Variants in B3GNT5 observed in about 807,000 individuals in gnomAD.
The protein encoded by B3GNT5 is UDP-GlcNAc:betaGal beta-1,3-N-acetylglucosaminyltransferase 5.
In B3GNT5, 11 loss-of-function variants were observed where a neutral mutation model predicts 25.9. The observed-to-expected ratio is 0.42, with a 90% CI of 0.27 to 0.70. B3GNT5 has a LOEUF of 0.70. Ranked by LOEUF, B3GNT5 falls within the 30% of genes least tolerant of loss-of-function variation. B3GNT5 has a pLI of 0.23. For missense variants in B3GNT5, 385 were observed against 458.4 expected, an observed-to-expected ratio of 0.84 and a Z score of 1.46; for synonymous variants, 166 against 158.6, an observed-to-expected ratio of 1.05 and a Z score of -0.35.
rs1577011338 is a variant in B3GNT5, at chr3:183,272,913, C to T, written c.*1978C>T. On this transcript the variant is annotated 3_prime_UTR_variant, in exon 2 of 2. Transcript: ENST00000326505. ...AACAATTATTTATTTGCTGAAAGAGCTCTTCTGAACTGTGTCCTTTTAATT... is the reference window on the plus strand; with the variant it reads ...AACAATTATTTATTTGCTGAAAGAGTTCTTCTGAACTGTGTCCTTTTAATT... 7 of 1,345,396 alleles carry T rather than the reference C, an allele frequency of 5.2e-6. No individual in the cohort carries two copies. Among genetic ancestry groups the T allele is most frequent in the Middle Eastern group, 2.8e-4 (1 of 3,584 alleles). 83.3% of individuals were successfully genotyped at this position (1,345,396 alleles called of 1,614,324 possible).
chr3:183,269,877 A>C lies in B3GNT5; in HGVS notation c.79A>C (p.Ser27Arg). 1 of 1,613,918 alleles carries C rather than the reference A, an allele frequency of 6.2e-7. No individual in the cohort carries two copies. The highest frequency in any genetic ancestry group is 8.5e-7 in the Non-Finnish European group (1 of 1,179,952). Residue 27 changes from serine to arginine, a missense_variant, in exon 2 of 2, where the codon AGC becomes CGC. Ser to Arg is a moderately radical substitution (Grantham distance 110). Coordinates refer to ENST00000326505, the MANE Select transcript of B3GNT5 (RefSeq NM_032047.5). ...GTTATTTGCTACTTGTTTTTTAGCG[A>C]GCCTCATGTTTTTTTGGGAACCAAT... ...IQLFATCFLA[S>R]LMFFWEPIDN...
chr3:183,258,028 T>C (rs775842899), intron 1 of B3GNT5, among the ~76,000 whole-genome samples: 8 of 123,314 alleles, frequency 6.5e-5, no homozygotes, highest in South Asian at 5.7e-4. Flanking sequence ...AGTGCAATGG[T>C]GCCATCTCGG....
chr3:183,263,711 T>A (rs1240806616), intron 1 of B3GNT5, among the ~76,000 whole-genome samples: 1 of 152,176 alleles, frequency 6.6e-6, no homozygotes, highest in Admixed American at 6.5e-5. Context: ...TACCTTCTTG[T>A]CTCTCCATCG....
chr3:183,270,701 GT>G lies in B3GNT5; in HGVS notation c.910del (p.Ser304LeufsTer16), dbSNP rs770372662. 4 of 1,613,648 alleles carry G rather than the reference GT, an allele frequency of 2.5e-6. No homozygotes were observed. In the African/African-American group the frequency reaches 5.3e-5, roughly 22 times the overall value. ...KIGIVPQDHV[F>X]FSGEGKTPYH... ...TAGGGATAGTACCGCAGGACCATGTGTTTTTTTCTGGAGAGGGTAAAACTCC... is the reference window on the plus strand; with the variant it reads ...TAGGGATAGTACCGCAGGACCATGTGTTTTTTCTGGAGAGGGTAAAACTCC... On this transcript the variant is annotated frameshift_variant, in exon 2 of 2. Transcript: ENST00000326505. LOFTEE classifies it high-confidence loss of function. The surrounding 1 kb of genome is among the most constrained non-coding windows in gnomAD (Gnocchi z 4.5).
In B3GNT5 at chr3:183,269,539, C is replaced by T. The variant is rs1726537025; in HGVS notation, c.-260C>T. The T allele has an allele frequency of 2.5e-6, 1 of 398,544 alleles. No individual in the cohort carries two copies. The highest frequency in any genetic ancestry group is 4.3e-5 in the Admixed American group (1 of 23,010). 24.7% of individuals were successfully genotyped at this position (398,544 alleles called of 1,614,324 possible). On this transcript the variant is annotated 5_prime_UTR_variant, in exon 2 of 2. Coordinates refer to ENST00000326505, the MANE Select transcript of B3GNT5 (RefSeq NM_032047.5). ...ACATGGGAGAGCCGCATGAGGCCGC[C>T]CACCACGCTTCCTGAAGGATGCCCG...
chr3:183,257,260 C>G (rs1395088307), intron 1 of B3GNT5, among the ~76,000 whole-genome samples: 1 of 152,140 alleles, frequency 6.6e-6, no homozygotes, highest in Non-Finnish European at 1.5e-5. Context: ...TGGAGAGGCA[C>G]AGTATACATC....
rs1726935441 is a variant in B3GNT5, at chr3:183,273,200, A to G, written c.*2265A>G. The G allele has an allele frequency of 4.4e-6, 2 of 457,080 alleles. No homozygotes were observed. The highest frequency in any genetic ancestry group is 8.6e-5 in the Admixed American group (2 of 23,160). The allele number at this position is 457,080 out of a possible 1,614,324, so 28.3% of individuals were successfully genotyped here. A position where few individuals can be genotyped will look rare whatever the true frequency, so the allele number is the denominator to read the frequency against. On this transcript the variant is annotated 3_prime_UTR_variant, in exon 2 of 2. Transcript: ENST00000326505. ...GCTTGGATGGTCACTTGAATAGAAG[A>G]TGGTTATACACAGTGTTATTGTTAA...
intron 1 of B3GNT5, among the ~76,000 whole-genome samples, chr3:183,266,684 T>G (rs567552210): frequency 1.8e-4 from 27 of 152,324 alleles, no homozygotes; most frequent in African/African-American, 6.3e-4. Flanking sequence ...TGATATTTTC[T>G]GACGTCTTTC....
At chr3:183,262,853 G>A (rs1725746827) in intron 1 of B3GNT5, among the ~76,000 whole-genome samples, 1 of 152,110 alleles carries the variant, frequency 6.6e-6, no homozygotes, top group Non-Finnish European at 1.5e-5. Context: ...TGCCATTTGT[G>A]GTGACGCTGC....
intron 1 of B3GNT5, among the ~76,000 whole-genome samples, chr3:183,256,804 T>C (rs373715960): frequency 1.3e-3 from 199 of 152,300 alleles, no homozygotes; most frequent in Non-Finnish European, 2.6e-3. Context: ...TGTGTCATCC[T>C]AATTGAAATG....
intron 1 of B3GNT5, among the ~76,000 whole-genome samples, chr3:183,256,081 A>G (rs373657306): frequency 9.2e-5 from 14 of 152,360 alleles, no homozygotes; most frequent in African/African-American, 3.4e-4. Context: ...AATGTCCCCT[A>G]TTCAGGGGGA....
Position 183,269,596 on chromosome 3 carries a change from G to T in B3GNT5, c.-203G>T, listed in dbSNP as rs950338635. ...AGAATTTTGACGTGCCAGTGTCCTC[G>T]TTCTACAGGGTGTTCCATTCTTCCG... On this transcript the variant is annotated 5_prime_UTR_variant, in exon 2 of 2. Coordinates refer to ENST00000326505, the MANE Select transcript of B3GNT5 (RefSeq NM_032047.5). 3 of 507,900 alleles carry T rather than the reference G, an allele frequency of 5.9e-6. No individual in the cohort carries two copies. Among genetic ancestry groups the T allele is most frequent in the Non-Finnish European group, 1.0e-5 (3 of 295,494 alleles). 31.5% of individuals were successfully genotyped at this position (507,900 alleles called of 1,614,324 possible). A position where few individuals can be genotyped will look rare whatever the true frequency, so the allele number is the denominator to read the frequency against.
In B3GNT5 at chr3:183,272,502, T is replaced by C. The variant is rs1726863553; in HGVS notation, c.*1567T>C. 1 of 996,202 alleles carries C rather than the reference T, an allele frequency of 1.0e-6. No homozygotes were observed. Among genetic ancestry groups the C allele is most frequent in the Admixed American group, 6.1e-5 (1 of 16,264 alleles). The allele number at this position is 996,202 out of a possible 1,614,324, so 61.7% of individuals were successfully genotyped here. A position where few individuals can be genotyped will look rare whatever the true frequency, so the allele number is the denominator to read the frequency against. On this transcript the variant is annotated 3_prime_UTR_variant, in exon 2 of 2. Transcript: ENST00000326505. ...TTACAATTTTTAGCAGGTAGCTTTT[T>C]AATGTTTACAGAAATTTTAATTTTT...
At chr3:183,266,641 C>T (rs768058986) in intron 1 of B3GNT5, among the ~76,000 whole-genome samples, 19 of 152,168 alleles carry the variant, frequency 1.2e-4, no homozygotes, top group African/African-American at 3.6e-4. Context: ...AAAGTGATTT[C>T]GCAAATTTTA....
intron 1 of B3GNT5, among the ~76,000 whole-genome samples, chr3:183,257,958 CTTTTTTTTTTTT>C (rs35323502): frequency 8.0e-4 from 52 of 64,744 alleles, no homozygotes; most frequent in Admixed American, 9.5e-4. Context: ...CCACTTCACC[CTTTTTTTTTTTT>C]TTTTTTTTTT....
chr3:183,267,336 C>G lies in B3GNT5; in HGVS notation c.-301-2162C>G, dbSNP rs1726250490. Among the ~76,000 whole-genome samples the G allele has an allele frequency of 6.6e-6, 1 of 152,224 alleles. No homozygotes were observed. Among genetic ancestry groups the G allele is most frequent in the Admixed American group, 6.5e-5 (1 of 15,288 alleles). Reference sequence around the variant, plus strand: ...GACAAAGTCTGAATGGGGCTTGGCTCTAATCTCTAGTCCTCATTGGACATT... The same window carrying G: ...GACAAAGTCTGAATGGGGCTTGGCTGTAATCTCTAGTCCTCATTGGACATT... On this transcript the variant is annotated intron_variant, in intron 1 of 1. Coordinates refer to ENST00000326505, the MANE Select transcript of B3GNT5 (RefSeq NM_032047.5). This position sits in a 1 kb window ranked among gnomAD's most constrained non-coding sequence, Gnocchi z 5.5.
At chr3:183,266,880 TGATTC>T (rs1390158365) in intron 1 of B3GNT5, among the ~76,000 whole-genome samples, 1 of 151,672 alleles carries the variant, frequency 6.6e-6, no homozygotes, top group East Asian at 1.9e-4. Flanking sequence ...TCCACCTTCC[TGATTC>T]AAGTGATTCT....
chr3:183,255,844 C>A (rs1724999445), intron 1 of B3GNT5, among the ~76,000 whole-genome samples: 1 of 150,312 alleles, frequency 6.7e-6, no homozygotes, highest in Non-Finnish European at 1.5e-5. Context: ...CTTTCTAATT[C>A]TCAAAAATAG....
rs1300224948 is a variant in B3GNT5, at chr3:183,273,227, A to AT, written c.*2299dup. ...GGTTATACACAGTGTTATTGTTAAAATTTTTTTACCTTTTGGTTGGTTTGC... is the reference window on the plus strand; with the variant it reads ...GGTTATACACAGTGTTATTGTTAAAATTTTTTTTACCTTTTGGTTGGTTTGC... On this transcript the variant is annotated 3_prime_UTR_variant, in exon 2 of 2. Coordinates refer to ENST00000326505, the MANE Select transcript of B3GNT5 (RefSeq NM_032047.5). The AT allele has an allele frequency of 5.1e-6, 2 of 388,612 alleles. No individual in the cohort carries two copies. The highest frequency in any genetic ancestry group is 9.5e-6 in the Non-Finnish European group (2 of 210,624). The allele number at this position is 388,612 out of a possible 1,614,324, so 24.1% of individuals were successfully genotyped here. A position where few individuals can be genotyped will look rare whatever the true frequency, so the allele number is the denominator to read the frequency against.
Sources: gnomAD v4.1 joint callset for allele counts (sites outside exome capture counted in the v4.1 genomes callset) on GRCh38, gnomAD v4.1.1 for gene constraint, Gnocchi (gnomAD v3.1) non-coding constraint, MANE v1.5 for transcripts, NCBI Gene and HGNC (gene_info 2026-07-23, HGNC 2026-07-21) for gene names.